Variants in PCDHGA2 observed in about 807,000 individuals in gnomAD.
PCDHGA2 encodes protocadherin gamma-A2.
PCDHGA2 carries 40 observed loss-of-function variants against 59.2 expected under a neutral mutation model. The observed-to-expected ratio is 0.68, with a 90% CI of 0.52 to 0.88. PCDHGA2 has a LOEUF of 0.88. Ranked by LOEUF, PCDHGA2 falls within the 40% of genes least tolerant of loss-of-function variation. The probability of loss-of-function intolerance (pLI) is 0.00; values close to 1 mark genes in which losing one functional copy is unlikely to be tolerated. For missense variants in PCDHGA2, 1,226 were observed against 1,204.0 expected, an observed-to-expected ratio of 1.02 and a Z score of -0.27; for synonymous variants, 560 against 526.0, an observed-to-expected ratio of 1.06 and a Z score of -0.89.
intron 1 of PCDHGA2, chr5:141,375,182 G>C: frequency 6.2e-7 from 1 of 1,613,936 alleles, no homozygotes; most frequent in Non-Finnish European, 8.5e-7. Context: ...AACAGTAATC[G>C]CCCTTTTTCA....
chr5:141,410,054 A>C, intron 1 of PCDHGA2: 1 of 1,613,064 alleles, frequency 6.2e-7, no homozygotes. Context: ...CGGACTCTTC[A>C]GCCTGGGGCT....
At chr5:141,403,509 A>G in intron 1 of PCDHGA2, 1 of 1,614,002 alleles carries the variant, frequency 6.2e-7, no homozygotes, top group Non-Finnish European at 8.5e-7. Context: ...CAGACTGGAG[A>G]CAATGGAGCC....
intron 1 of PCDHGA2, among the ~76,000 whole-genome samples, chr5:141,454,252 A>T (rs1288181537): frequency 6.6e-6 from 1 of 152,214 alleles, no homozygotes; most frequent in Non-Finnish European, 1.5e-5. Context: ...AAGATGTCCC[A>T]GAGAAAGTAA....
At chr5:141,478,563 C>G (rs1484075735) in intron 1 of PCDHGA2, 16 of 1,596,154 alleles carry the variant, frequency 1.0e-5, no homozygotes, top group African/African-American at 1.3e-5. Context: ...TTTAGCAAGT[C>G]ATGCTTGACC....
chr5:141,491,080 A>T lies in PCDHGA2; in HGVS notation c.2425-3727A>T. On this transcript the variant is annotated intron_variant, in intron 1 of 3. Transcript: ENST00000394576. This position sits in a 1 kb window ranked among gnomAD's most constrained non-coding sequence, Gnocchi z 6.9. ...CTCCTACTCACTGTTGCCACAGTCC[A>T]CAGCCCCAGGACTGTTCCTCGTGTC... The T allele has an allele frequency of 6.2e-7, 1 of 1,614,116 alleles. No individual in the cohort carries two copies. Among genetic ancestry groups the T allele is most frequent in the Non-Finnish European group, 8.5e-7 (1 of 1,179,994 alleles).
intron 1 of PCDHGA2, chr5:141,377,726 A>T (rs1774299499): frequency 6.6e-6 from 1 of 152,240 alleles, no homozygotes; most frequent in Non-Finnish European, 1.5e-5. Context: ...TTGAAAAGAT[A>T]AGAATCATTG....
At chr5:141,393,458 G>T (rs181214352) in intron 1 of PCDHGA2, 4 of 1,613,902 alleles carry the variant, frequency 2.5e-6, no homozygotes, top group Non-Finnish European at 3.4e-6. Context: ...TCACGGCCTC[G>T]GATGGCGGCA....
At position 141,415,171 on chromosome 5, in the gene PCDHGA2, G is replaced by A. The variant is rs748508713; in HGVS notation, c.2424+73776G>A. ...TCTCTCCGCCACTGTCACGCTCACC[G>A]TGGCCGTGGCCGACAGCATCCCCCA... On this transcript the variant is annotated intron_variant, in intron 1 of 3. Coordinates refer to ENST00000394576, the MANE Select transcript of PCDHGA2 (RefSeq NM_018915.4). 8 of 1,613,876 alleles carry A rather than the reference G, an allele frequency of 5.0e-6. No homozygotes were observed. In the South Asian group the frequency reaches 6.6e-5, roughly 13 times the overall value.
chr5:141,374,906 G>A (rs1200666906), intron 1 of PCDHGA2: 5 of 1,613,650 alleles, frequency 3.1e-6, no homozygotes, highest in South Asian at 2.2e-5. Context: ...AGGAGTCCAC[G>A]GGGAAGTAAC....
chr5:141,344,503 C>A (rs1757427506), intron 1 of PCDHGA2: 1 of 1,613,828 alleles, frequency 6.2e-7, no homozygotes, highest in African/African-American at 1.3e-5. Context: ...ATTAAAACTG[C>A]TTTTGACCCA....
intron 1 of PCDHGA2, chr5:141,384,799 G>T (rs1342288929): frequency 6.2e-7 from 1 of 1,613,476 alleles, no homozygotes; most frequent in South Asian, 1.1e-5. Flanking sequence ...GGCCCTGCTG[G>T]ACAGAGATGC....
intron 1 of PCDHGA2, among the ~76,000 whole-genome samples, chr5:141,468,963 C>G (rs951670777): frequency 1.3e-5 from 2 of 150,940 alleles, no homozygotes; most frequent in Admixed American, 6.6e-5. Context: ...TTTTTTTTAC[C>G]TTAGGCTTTT....
chr5:141,479,806 G>A (rs1188862048), intron 1 of PCDHGA2, among the ~76,000 whole-genome samples: 1 of 152,182 alleles, frequency 6.6e-6, no homozygotes, highest in Non-Finnish European at 1.5e-5. Context: ...AGGGTGGTAT[G>A]CAAGGATACT....
chr5:141,418,360 G>A (rs544948410), intron 1 of PCDHGA2: 3 of 1,613,990 alleles, frequency 1.9e-6, no homozygotes, highest in Non-Finnish European at 2.5e-6. Context: ...TGAATTCGCT[G>A]AGCAAATACC....
intron 1 of PCDHGA2, among the ~76,000 whole-genome samples, chr5:141,481,728 C>T (rs529419213): frequency 2.1e-4 from 32 of 152,032 alleles, no homozygotes; most frequent in African/African-American, 7.2e-4. Flanking sequence ...CGGAGGCGGG[C>T]GGATCACGAG....
At position 141,485,035 on chromosome 5, in the gene PCDHGA2, AC is replaced by A; in HGVS notation, c.2425-9769del. ...CCGCCACCAGCAAAAACGGCGCGTA[AC>A]CCTTGCGGCGCCGGCCGAACCGCGC... On this transcript the variant is annotated intron_variant, in intron 1 of 3. Coordinates refer to ENST00000394576, the MANE Select transcript of PCDHGA2 (RefSeq NM_018915.4). The surrounding 1 kb of genome is among the most constrained non-coding windows in gnomAD (Gnocchi z 5.7). 1.4e-6 allele frequency: 1 copy of A among 694,388 alleles called. No homozygotes were observed. Among genetic ancestry groups the A allele is most frequent in the East Asian group, 2.6e-5 (1 of 38,852 alleles). The allele number at this position is 694,388 out of a possible 1,614,324, so 43.0% of individuals were successfully genotyped here.
chr5:141,348,739 T>C (rs1240455139), intron 1 of PCDHGA2, among the ~76,000 whole-genome samples: 1 of 152,066 alleles, frequency 6.6e-6, no homozygotes, highest in East Asian at 1.9e-4. Context: ...AAGTTCATAG[T>C]AAAAGGAATG....
At chr5:141,423,277 A>G (rs749771302) in intron 1 of PCDHGA2, 4 of 1,613,988 alleles carry the variant, frequency 2.5e-6, no homozygotes, top group Non-Finnish European at 8.5e-7. Flanking sequence ...GTCTCTGGCT[A>G]ACTCTGAAAC....
At chr5:141,438,630 A>T (rs1232206839) in intron 1 of PCDHGA2, among the ~76,000 whole-genome samples, 1 of 38,920 alleles carries the variant, frequency 2.6e-5, no homozygotes, top group East Asian at 8.1e-4. Context: ...ATATATATAT[A>T]TATATACACA....
Sources: allele counts gnomAD v4.1 joint callset (sites outside exome capture counted in the v4.1 genomes callset), GRCh38; gene constraint gnomAD v4.1.1; non-coding constraint Gnocchi (gnomAD v3.1); transcripts MANE v1.5; gene names NCBI Gene and HGNC (gene_info 2026-07-23, HGNC 2026-07-21).